COBLL1: variants seen among roughly 807,000 people sequenced by gnomAD.
COBLL1 encodes the protein cordon-bleu protein-like 1.
A neutral mutation model predicts 94.8 loss-of-function variants in COBLL1; 50 were observed. That is an observed-to-expected ratio of 0.53 (90% CI 0.42 to 0.67). COBLL1 has a LOEUF of 0.67. Ranked by LOEUF, COBLL1 falls within the 30% of genes least tolerant of loss-of-function variation. COBLL1 has a pLI of 0.00. For synonymous variants in COBLL1, 448 were observed against 473.8 expected (o/e 0.95, Z 0.71); for missense variants, 1,362 against 1,348.7 (o/e 1.01, Z -0.15).
intron 2 of COBLL1, among the ~76,000 whole-genome samples, chr2:164,824,199 T>C (rs1171138212): frequency 1.3e-5 from 2 of 152,000 alleles, no homozygotes; most frequent in African/African-American, 4.8e-5. Flanking sequence ...CTGATCAACA[T>C]GGAGAAACCA....
chr2:164,715,040 C>G (rs1375396130), intron 7 of COBLL1, among the ~76,000 whole-genome samples: 3 of 152,072 alleles, frequency 2.0e-5, no homozygotes. Flanking sequence ...TGTAATGGCC[C>G]AGAGGGTTGT....
chr2:164,688,770 G>A (rs946798068), intron 13 of COBLL1, among the ~76,000 whole-genome samples: 1 of 152,092 alleles, frequency 6.6e-6, no homozygotes, highest in Non-Finnish European at 1.5e-5. Flanking sequence ...AAGATTCTGT[G>A]TGACTTACCC....
At chr2:164,773,685 T>C (rs1303980485) in intron 2 of COBLL1, 1 of 1,044,926 alleles carries the variant, frequency 9.6e-7, no homozygotes, top group African/African-American at 1.7e-5. Flanking sequence ...TTTTAAAAGT[T>C]TTACACAACG....
chr2:164,810,535 A>G (rs567970791), intron 2 of COBLL1, among the ~76,000 whole-genome samples: 2 of 151,848 alleles, frequency 1.3e-5, no homozygotes, highest in Admixed American at 1.3e-4. Context: ...TTTTTAAAAC[A>G]AAGGAAACAC....
chr2:164,782,168 C>G (rs978172165), intron 2 of COBLL1, among the ~76,000 whole-genome samples: 2 of 152,110 alleles, frequency 1.3e-5, no homozygotes, highest in Admixed American at 1.3e-4. Context: ...ATCTTGATGG[C>G]TGGCTTCATT....
chr2:164,751,342 C>A (rs1687114418), intron 2 of COBLL1, among the ~76,000 whole-genome samples: 2 of 152,018 alleles, frequency 1.3e-5, no homozygotes, highest in Admixed American at 1.3e-4. Context: ...TCTGCTGGCA[C>A]CTAGAACTAT....
chr2:164,818,993 A>G (rs1030222421), intron 2 of COBLL1, among the ~76,000 whole-genome samples: 13 of 151,354 alleles, frequency 8.6e-5, no homozygotes, highest in Non-Finnish European at 1.2e-4. Flanking sequence ...CTGATCTTGA[A>G]CTTGTGGCCT....
In COBLL1 at chr2:164,741,355, A is replaced by G. The variant is rs895314677; in HGVS notation, c.230+2332T>C. Among the ~76,000 whole-genome samples the G allele has an allele frequency of 2.0e-5, 3 of 152,064 alleles. No homozygotes were observed. The East Asian group carries it at 5.8e-4, about 29-fold the overall frequency. On this transcript the variant is annotated intron_variant, in intron 3 of 13. Transcript: ENST00000652658. ...CCTACTTAATTTTGGAGGAGAAAAT[A>G]AGGTATCCCAATCTCCAGGCTAGGT...
intron 2 of COBLL1, among the ~76,000 whole-genome samples, chr2:164,798,708 C>T (rs569615940): frequency 6.6e-6 from 1 of 152,258 alleles, no homozygotes; most frequent in Non-Finnish European, 1.5e-5. Flanking sequence ...ACTGGTCTTG[C>T]TTCAAGTTTC....
intron 3 of COBLL1, 102 bp downstream of exon 3, chr2:164,743,585 G>C: frequency 1.1e-6 from 1 of 923,642 alleles, no homozygotes; most frequent in East Asian, 2.5e-5. Context: ...AGTGATAAAT[G>C]AAGTGTTTTG....
intron 2 of COBLL1, among the ~76,000 whole-genome samples, chr2:164,840,317 C>T (rs1476743205): frequency 5.3e-5 from 8 of 152,072 alleles, no homozygotes; most frequent in Admixed American, 5.2e-4. Context: ...CTACATCAAA[C>T]GAGTTTCCTA....
intron 1 of COBLL1, among the ~76,000 whole-genome samples, chr2:164,674,186 G>C (rs1001885788): frequency 1.3e-5 from 2 of 151,942 alleles, no homozygotes; most frequent in African/African-American, 4.8e-5. Context: ...TCAGCCTCCC[G>C]AGTAGCTGGA....
downstream of COBLL1, among the ~76,000 whole-genome samples, chr2:164,678,349 A>G (rs1286333997): frequency 6.6e-6 from 1 of 152,154 alleles, no homozygotes; most frequent in East Asian, 1.9e-4. Context: ...ATCACTGAAG[A>G]AAGGCATGGT....
chr2:164,724,837 C>G (rs1333728755), intron 5 of COBLL1: 1 of 151,736 alleles, frequency 6.6e-6, no homozygotes, highest in Non-Finnish European at 1.5e-5. Context: ...TACAATATGC[C>G]TCAATAACAT....
downstream of COBLL1, among the ~76,000 whole-genome samples, chr2:164,676,677 CTTT>C (rs112492007): frequency 2.7e-5 from 4 of 146,470 alleles, no homozygotes; most frequent in African/African-American, 1.0e-4. Context: ...CTTAACTCTG[CTTT>C]TTTTTTTTCC....
At chr2:164,773,678 T>C in intron 2 of COBLL1, 1 of 980,134 alleles carries the variant, frequency 1.0e-6, no homozygotes, top group Non-Finnish European at 1.4e-6. Flanking sequence ...TAAATTATTT[T>C]AAAAGTTTTA....
At chr2:164,759,760 G>A (rs758190974) in intron 2 of COBLL1, among the ~76,000 whole-genome samples, 4 of 152,162 alleles carry the variant, frequency 2.6e-5, no homozygotes, top group South Asian at 2.1e-4. Flanking sequence ...GTGTAAACTC[G>A]TTACCAACGA....
intron 2 of COBLL1, among the ~76,000 whole-genome samples, chr2:164,819,061 G>A (rs1482459794): frequency 2.0e-5 from 3 of 151,844 alleles, no homozygotes; most frequent in South Asian, 2.1e-4. Context: ...GTGGGCAACC[G>A]TGCCTGGCCT....
intron 2 of COBLL1, among the ~76,000 whole-genome samples, chr2:164,783,235 C>A (rs1282826079): frequency 1.3e-5 from 2 of 151,992 alleles, no homozygotes; most frequent in Admixed American, 6.6e-5. Context: ...GACCTCATCT[C>A]TACTAAAAAT....
Sources: gnomAD v4.1 joint callset for allele counts (sites outside exome capture counted in the v4.1 genomes callset) on GRCh38, gnomAD v4.1.1 for gene constraint, MANE v1.5 for transcripts, NCBI Gene and HGNC (gene_info 2026-07-23, HGNC 2026-07-21) for gene names.